Variants in NRG3 observed in about 807,000 individuals in gnomAD.
NRG3 encodes the protein pro-neuregulin-3, membrane-bound isoform.
Under a neutral mutation model 66.9 loss-of-function variants are expected in NRG3, and 31 were observed. The observed-to-expected ratio is 0.46, with a 90% CI of 0.35 to 0.63. The LOEUF (loss-of-function observed/expected upper bound fraction) is 0.63, where lower values mean the gene tolerates loss of function less well. Ranked by LOEUF, NRG3 falls within the 20% of genes least tolerant of loss-of-function variation. The pLI is 0.00. For missense variants in NRG3, 910 were observed against 878.9 expected (o/e 1.04, Z -0.45); for synonymous variants, 393 against 359.4 (o/e 1.09, Z -1.06).
intron 1 of NRG3, among the ~76,000 whole-genome samples, chr10:82,306,669 A>C (rs541334367): frequency 2.4e-4 from 31 of 128,430 alleles, no homozygotes; most frequent in Non-Finnish European, 4.2e-4. Context: ...GCGCCACTGC[A>C]CTCCAGCCTG....
At chr10:81,924,534 TGAGTTACACCAGG>T (rs1184262976) in intron 1 of NRG3, among the ~76,000 whole-genome samples, 4 of 152,308 alleles carry the variant, frequency 2.6e-5, no homozygotes, top group Admixed American at 2.0e-4. Context: ...CTTATAAGCA[TGAGTTACACCAGG>T]GAGTTCATTT....
rs71471761 is a variant in NRG3, at chr10:82,919,062, AGTGTGT to A, written c.1055-32374_1055-32369del. 9.1e-3 allele frequency among the ~76,000 whole-genome samples: 1,290 copies of A among 141,624 alleles called. 23 individuals are homozygous for A. Among genetic ancestry groups the A allele is most frequent in the Admixed American group, 0.033 (462 of 14,010 alleles). 92.9% of individuals were successfully genotyped at this position (141,624 alleles called of 152,430 possible). A position where few individuals can be genotyped will look rare whatever the true frequency, so the allele number is the denominator to read the frequency against. The stretch of plus-strand genomic sequence containing the variant: ...TGGTAGGTAAGCTGAATAGGGGTGG[AGTGTGT>A]GTGTGTGTGTGTGTGTGTGTGTGTG... On this transcript the variant is annotated intron_variant, in intron 4 of 8. Transcript: ENST00000372141.
chr10:82,909,576 A>T (rs1414062829), intron 4 of NRG3, among the ~76,000 whole-genome samples: 2 of 152,148 alleles, frequency 1.3e-5, no homozygotes, highest in Admixed American at 6.5e-5. Context: ...ATACTCCCAC[A>T]CAAGTATGCC....
chr10:81,949,825 G>T (rs1207343023), intron 1 of NRG3, among the ~76,000 whole-genome samples: 2 of 152,184 alleles, frequency 1.3e-5, no homozygotes, highest in African/African-American at 2.4e-5. Context: ...CATGAGAAAA[G>T]AATTTTCTTG....
intron 4 of NRG3, among the ~76,000 whole-genome samples, chr10:82,922,224 T>C (rs960540216): frequency 6.6e-6 from 1 of 152,102 alleles, no homozygotes; most frequent in African/African-American, 2.4e-5. Flanking sequence ...AACTACAATT[T>C]CAGTTTTGAA....
chr10:82,414,230 G>A (rs1202186038), intron 2 of NRG3, among the ~76,000 whole-genome samples: 1 of 152,098 alleles, frequency 6.6e-6, no homozygotes, highest in Non-Finnish European at 1.5e-5. Context: ...GCGGTTGTAA[G>A]TTTATTAATT....
chr10:82,113,755 C>G (rs2067531408), intron 1 of NRG3, among the ~76,000 whole-genome samples: 1 of 152,060 alleles, frequency 6.6e-6, no homozygotes, highest in African/African-American at 2.4e-5. Context: ...TTAGGGGAAG[C>G]AAGGTGAAGG....
chr10:81,967,328 T>G (rs2133337391), intron 1 of NRG3, among the ~76,000 whole-genome samples: 1 of 152,014 alleles, frequency 6.6e-6, no homozygotes, highest in South Asian at 2.1e-4. Context: ...TATTTTATTA[T>G]TGTATAGGTT....
At chr10:82,536,345 T>C (rs1847811858) in intron 2 of NRG3, among the ~76,000 whole-genome samples, 1 of 152,196 alleles carries the variant, frequency 6.6e-6, no homozygotes, top group African/African-American at 2.4e-5. Context: ...TCATTTTCCA[T>C]TAGACATGAA....
intron 1 of NRG3, chr10:81,889,229 A>G (rs961631676): frequency 6.6e-6 from 1 of 152,208 alleles, no homozygotes; most frequent in African/African-American, 2.4e-5. Flanking sequence ...ATTGATTGCC[A>G]CATCACCCTT....
intron 2 of NRG3, among the ~76,000 whole-genome samples, chr10:82,671,838 C>T (rs2053300448): frequency 6.6e-6 from 1 of 152,140 alleles, no homozygotes; most frequent in African/African-American, 2.4e-5. Flanking sequence ...AGGCAGCAGT[C>T]AAAAATAATG....
intron 6 of NRG3, among the ~76,000 whole-genome samples, chr10:82,964,181 CA>C (rs1850965067): frequency 6.6e-6 from 1 of 152,062 alleles, no homozygotes. Context: ...GTGATGATGA[CA>C]AAAAATGAGA....
chr10:82,572,746 T>C (rs574173715), intron 2 of NRG3, among the ~76,000 whole-genome samples: 1 of 151,868 alleles, frequency 6.6e-6, no homozygotes, highest in Admixed American at 6.6e-5. Flanking sequence ...GCTTAAGAAA[T>C]GTCTCAGCTG....
At chr10:82,573,954 C>T (rs1038533722) in intron 2 of NRG3, among the ~76,000 whole-genome samples, 1 of 151,748 alleles carries the variant, frequency 6.6e-6, no homozygotes, top group African/African-American at 2.4e-5. Flanking sequence ...ATTAGTATAG[C>T]CATTATGGAA....
At chr10:82,607,211 G>T (rs1007058070) in intron 2 of NRG3, among the ~76,000 whole-genome samples, 3 of 152,120 alleles carry the variant, frequency 2.0e-5, no homozygotes, top group Admixed American at 1.3e-4. Context: ...ATAGTGGATT[G>T]ATACATATTT....
intron 1 of NRG3, among the ~76,000 whole-genome samples, chr10:82,067,332 T>G (rs2064535913): frequency 6.6e-6 from 1 of 152,304 alleles, no homozygotes; most frequent in African/African-American, 2.4e-5. Flanking sequence ...CACTCTACTT[T>G]TGTTCCCCAT....
chr10:82,010,503 T>G (rs1365966412), intron 1 of NRG3, among the ~76,000 whole-genome samples: 1 of 152,220 alleles, frequency 6.6e-6, no homozygotes, highest in Non-Finnish European at 1.5e-5. Context: ...CCCTCCCTTT[T>G]GTGAAGCTTA....
At chr10:82,954,329 A>T (rs773113878) in intron 5 of NRG3, among the ~76,000 whole-genome samples, 9 of 151,914 alleles carry the variant, frequency 5.9e-5, no homozygotes, top group Non-Finnish European at 1.0e-4. Flanking sequence ...TTACCAGGGG[A>T]CTTCCATCTT....
chr10:82,119,352 G>A (rs2067935395), intron 1 of NRG3, among the ~76,000 whole-genome samples: 2 of 151,958 alleles, frequency 1.3e-5, no homozygotes, highest in African/African-American at 4.8e-5. Flanking sequence ...GACTTATCTA[G>A]CTCCCTGAAT....
Sources: gnomAD v4.1 joint callset for allele counts (sites outside exome capture counted in the v4.1 genomes callset) on GRCh38, gnomAD v4.1.1 for gene constraint, MANE v1.5 for transcripts, NCBI Gene and HGNC (gene_info 2026-07-23, HGNC 2026-07-21) for gene names.